COA1: variants seen among roughly 807,000 people sequenced by gnomAD.
COA1 encodes the protein cytochrome c oxidase assembly factor 1 homolog.
A neutral mutation model predicts 16.0 loss-of-function variants in COA1; 13 were observed. The observed-to-expected ratio is 0.81, with a 90% CI of 0.53 to 1.29. The LOEUF is 1.29. COA1 is among the 50% of genes most tolerant of loss of function. COA1 has a pLI of 0.00. For missense variants in COA1, 179 were observed against 177.0 expected (o/e 1.01, Z -0.06); for synonymous variants, 65 against 65.7 (o/e 0.99, Z 0.05).
intron 1 of COA1, among the ~76,000 whole-genome samples, chr7:43,676,664 T>C (rs1204558370): frequency 6.6e-6 from 1 of 152,174 alleles, no homozygotes; most frequent in Non-Finnish European, 1.5e-5. Flanking sequence ...GGATACTGAA[T>C]GTTCCCAACA....
At chr7:43,632,864 T>G (rs773986982) in intron 6 of COA1, 2 of 152,182 alleles carry the variant, frequency 1.3e-5, no homozygotes, top group African/African-American at 2.4e-5. Context: ...TTGAAAGAAA[T>G]CTATTTTTTC....
chr7:43,644,773 G>GAGAGAGA (rs2088556990), intron 4 of COA1, among the ~76,000 whole-genome samples: 1 of 108,948 alleles, frequency 9.2e-6, no homozygotes, highest in African/African-American at 3.5e-5. Context: ...CAGGCAGGCA[G>GAGAGAGA]GCAGGCAGGC....
At chr7:43,656,347 A>T (rs1393713978) in intron 1 of COA1, among the ~76,000 whole-genome samples, 1 of 152,244 alleles carries the variant, frequency 6.6e-6, no homozygotes, top group Non-Finnish European at 1.5e-5. Flanking sequence ...AAAATAGAAG[A>T]CTTGGAACAT....
At chr7:43,695,051 G>T (rs544774259) in intron 1 of COA1, among the ~76,000 whole-genome samples, 6 of 152,250 alleles carry the variant, frequency 3.9e-5, no homozygotes, top group Admixed American at 2.0e-4. Context: ...GATCTAGACT[G>T]ACCACTTTTC....
At chr7:43,613,395 G>A (rs557789070) in intron 6 of COA1, among the ~76,000 whole-genome samples, 1 of 152,288 alleles carries the variant, frequency 6.6e-6, no homozygotes, top group East Asian at 1.9e-4. Context: ...TAGGTTATAT[G>A]CAAATACTGT....
chr7:43,676,080 A>G (rs2093504123), intron 1 of COA1, among the ~76,000 whole-genome samples: 1 of 152,192 alleles, frequency 6.6e-6, no homozygotes, highest in African/African-American at 2.4e-5. Context: ...AAATCTCGTA[A>G]AAGAAATACA....
chr7:43,666,624 G>A (rs141353789), intron 1 of COA1, among the ~76,000 whole-genome samples: 311 of 152,268 alleles, frequency 2.0e-3, no homozygotes, highest in Middle Eastern at 3.4e-3. Flanking sequence ...TGCAAGTGTC[G>A]TCAAAATGCA....
At chr7:43,610,482 A>G (rs1294563753) in intron 6 of COA1, among the ~76,000 whole-genome samples, 2 of 151,930 alleles carry the variant, frequency 1.3e-5, no homozygotes, top group South Asian at 2.1e-4. Context: ...CCTGGCCAAC[A>G]TGGTGAAATC....
intron 1 of COA1, among the ~76,000 whole-genome samples, chr7:43,694,786 A>T (rs1262993733): frequency 3.3e-5 from 5 of 152,168 alleles, no homozygotes; most frequent in Admixed American, 3.3e-4. Context: ...TATTCCTCTG[A>T]GGCCTCTTTG....
chr7:43,691,451 AAGAAAG>A (rs1349251541), intron 1 of COA1, among the ~76,000 whole-genome samples: 3 of 149,186 alleles, frequency 2.0e-5, no homozygotes, highest in Non-Finnish European at 4.4e-5. Flanking sequence ...GAAAGAAAGA[AAGAAAG>A]AAAGAAAGAA....
intron 1 of COA1, among the ~76,000 whole-genome samples, chr7:43,661,602 A>C (rs528137312): frequency 6.7e-6 from 1 of 149,662 alleles, no homozygotes; most frequent in African/African-American, 2.5e-5. Flanking sequence ...GCGCCACCGC[A>C]CTCCAGCCTG....
intron 1 of COA1, among the ~76,000 whole-genome samples, chr7:43,724,273 C>A (rs2132257801): frequency 1.3e-5 from 2 of 152,234 alleles, no homozygotes; most frequent in African/African-American, 4.8e-5. Flanking sequence ...GAAAGCACAG[C>A]CAGGCGCGGT....
At chr7:43,702,979 G>A (rs1042061853) in intron 1 of COA1, among the ~76,000 whole-genome samples, 9 of 152,208 alleles carry the variant, frequency 5.9e-5, no homozygotes, top group Middle Eastern at 6.8e-3. Flanking sequence ...TCTTGATGTA[G>A]GCATTTAGCA....
chr7:43,637,239 T>TATA (rs1455549029), downstream of COA1, among the ~76,000 whole-genome samples: 2 of 152,182 alleles, frequency 1.3e-5, no homozygotes, highest in Non-Finnish European at 2.9e-5. Context: ...GGCACAGTAT[T>TATA]ATAATACTCT....
rs10618048 is a variant in COA1 at position 43,679,264 on chromosome 7, CAAAAAAAAA to C, written c.-38-30621_-38-30613del. Reference sequence around the variant, plus strand: ...CCTGGGCAAGAGCTAAACTCCATTGCAAAAAAAAAAAAAAAAAAAAAATGCTAAATTTTA... The same window carrying C: ...CCTGGGCAAGAGCTAAACTCCATTGCAAAAAAAAAAAAATGCTAAATTTTA... On this transcript the variant is annotated intron_variant, in intron 1 of 5. Transcript: ENST00000223336. Among the ~76,000 whole-genome samples, 110 of 84,100 alleles carry C rather than the reference CAAAAAAAAA, an allele frequency of 1.3e-3. No homozygotes were observed. In the East Asian group the frequency reaches 0.016, roughly 12 times the overall value. 55.2% of individuals were successfully genotyped at this position (84,100 alleles called of 152,430 possible).
intron 1 of COA1, among the ~76,000 whole-genome samples, chr7:43,690,970 C>G (rs927157815): frequency 6.9e-6 from 1 of 144,468 alleles, no homozygotes; most frequent in Non-Finnish European, 1.5e-5. Context: ...GTAATCTCAG[C>G]TCTTTGGGAA....
chr7:43,648,262 A>G, intron 2 of COA1: 1 of 419,228 alleles, frequency 2.4e-6, no homozygotes, highest in Non-Finnish European at 4.4e-6. Flanking sequence ...AAAGTCATTT[A>G]GTTCTCATAA....
chr7:43,662,071 A>G (rs1280503169), intron 1 of COA1, among the ~76,000 whole-genome samples: 1 of 152,244 alleles, frequency 6.6e-6, no homozygotes, highest in East Asian at 1.9e-4. Flanking sequence ...TTCAGATTAC[A>G]TATGACAATT....
At chr7:43,626,870 A>G (rs1372086227) in intron 6 of COA1, 1 of 152,224 alleles carries the variant, frequency 6.6e-6, no homozygotes, top group Non-Finnish European at 1.5e-5. Flanking sequence ...TTGTGCTTAA[A>G]TACTGAGTCA....
Sources: gnomAD v4.1 joint callset for allele counts (sites outside exome capture counted in the v4.1 genomes callset) on GRCh38, gnomAD v4.1.1 for gene constraint, MANE v1.5 for transcripts, NCBI Gene and HGNC (gene_info 2026-07-23, HGNC 2026-07-21) for gene names.